Variants in ZNF687 observed in about 807,000 individuals in gnomAD.
ZNF687 encodes the protein zinc finger protein 687.
A neutral mutation model predicts 71.8 loss-of-function variants in ZNF687; 13 were observed. That is an observed-to-expected ratio of 0.18 (90% confidence interval 0.12 to 0.29). The LOEUF (loss-of-function observed/expected upper bound fraction) is 0.29. ZNF687 is among the 10% of genes least tolerant of loss of function. The pLI is 1.00. For missense variants in ZNF687, 1,412 were observed against 1,625.6 expected, an observed-to-expected ratio of 0.87 and a Z score of 2.26; for synonymous variants, 673 against 641.6, an observed-to-expected ratio of 1.05 and a Z score of -0.74.
intron 5 of ZNF687, 68 bp downstream of exon 5, chr1:151,289,608 C>T (rs587700412): frequency 6.2e-7 from 1 of 1,608,094 alleles, no homozygotes; most frequent in Admixed American, 1.7e-5. Context: ...CCACATACTT[C>T]AGAAGTGGGG....
intron 1 of ZNF687, among the ~76,000 whole-genome samples, chr1:151,282,689 T>C: frequency 6.6e-6 from 1 of 151,916 alleles, no homozygotes; most frequent in East Asian, 1.9e-4. Flanking sequence ...GATTGAAGGC[T>C]GCGGGATGTC....
chr1:151,284,929 C>T (rs1021667392), intron 1 of ZNF687, among the ~76,000 whole-genome samples: 1 of 148,994 alleles, frequency 6.7e-6, no homozygotes, highest in Middle Eastern at 3.3e-3. Flanking sequence ...CCCATGTCAG[C>T]TGGGAGGCAT....
chr1:151,282,542 CT>C, intron 1 of ZNF687, 147 bp downstream of exon 1: 5 of 465,252 alleles, frequency 1.1e-5, no homozygotes, highest in Non-Finnish European at 1.4e-5. Flanking sequence ...CAGACACCGC[CT>C]CCATCCATTG....
At chr1:151,284,844 C>CT (rs1245851506) in intron 1 of ZNF687, among the ~76,000 whole-genome samples, 1 of 106,556 alleles carries the variant, frequency 9.4e-6, no homozygotes, top group Non-Finnish European at 1.7e-5. Context: ...CGGTATCACT[C>CT]TGTCACCCAG....
rs1693953195 is a variant in ZNF687 at position 151,286,564 on chromosome 1, T to C, written c.273T>C (p.Cys91=). ...GTGTCATTGTCAAGAACACTGTGTG[T>C]CCCGAGCAGTCTGAGGCCCTGGCTG... The part of the protein sequence containing the change: ...VVSVIVKNTV[C]PEQSEALAGG... The change falls in exon 2 of 9, where the codon TGT becomes TGC. Residue 91 remains cysteine (C), a synonymous_variant. Transcript: ENST00000336715. The C allele has an allele frequency of 6.2e-7, 1 of 1,614,186 alleles. No homozygotes were observed. The highest frequency in any genetic ancestry group is 1.3e-5 in the African/African-American group (1 of 75,042).
chr1:151,291,394 CCCTGGAGT>C lies in ZNF687; in HGVS notation c.*189_*196del. The stretch of plus-strand genomic sequence containing the variant: ...ATTTGCAACCTCCCTTTGGGTTTGG[CCCTGGAGT>C]CCTAGTAGAGTGGACCCTCCATTCC... On this transcript the variant is annotated 3_prime_UTR_variant, in exon 9 of 9. Transcript: ENST00000336715. 1 of 759,736 alleles carries C rather than the reference CCCTGGAGT, an allele frequency of 1.3e-6. No homozygotes were observed. Among genetic ancestry groups the C allele is most frequent in the Non-Finnish European group, 2.0e-6 (1 of 489,654 alleles). 47.1% of individuals were successfully genotyped at this position (759,736 alleles called of 1,614,324 possible). A position where few individuals can be genotyped will look rare whatever the true frequency, so the allele number is the denominator to read the frequency against.
In ZNF687 at chr1:151,290,773, C is replaced by T. The variant is rs780774453; in HGVS notation, c.3278C>T (p.Thr1093Met). The T allele has an allele frequency of 1.5e-5, 25 of 1,613,376 alleles. No individual in the cohort carries two copies. Among genetic ancestry groups the T allele is most frequent in the Middle Eastern group, 1.6e-4 (1 of 6,072 alleles). ...SDSCSEEPDSTTPPAKSPRGG... is the reference protein window; with the variant it reads ...SDSCSEEPDSMTPPAKSPRGG... ...TCTTGCAGTGAGGAGCCTGACAGCACGACACCGCCAGCCAAGTCCCCCAGG... is the reference window on the plus strand; with the variant it reads ...TCTTGCAGTGAGGAGCCTGACAGCATGACACCGCCAGCCAAGTCCCCCAGG... The change falls in exon 9 of 9, where the codon ACG becomes ATG. Residue 1093 changes from threonine (T) to methionine (M), a missense_variant. By Grantham distance (81) the Thr-to-Met change is moderately conservative (BLOSUM62 -1). Transcript: ENST00000336715.
chr1:151,290,386 C>A (rs765362887), intron 7 of ZNF687, 46 bp from the exon 8 acceptor site: 2 of 1,613,456 alleles, frequency 1.2e-6, no homozygotes, highest in South Asian at 1.1e-5. Context: ...AGGGCCCTGG[C>A]CTTCGGGCTG....
Position 151,288,381 on chromosome 1 carries a change from C to T in ZNF687, c.2090C>T (p.Pro697Leu), listed in dbSNP as rs1314673959. Reference protein sequence around the residue: ...GMAAHFQQLGPPAPGATSNVC... With the variant: ...GMAAHFQQLGLPAPGATSNVC... ...GCAGCTCACTTCCAGCAGCTCGGCC[C>T]CCCTGCCCCTGGGGCCACCAGCAAT... is the stretch of plus-strand genomic sequence containing the variant. Residue 697 changes from proline to leucine, a missense_variant, in exon 2 of 9, where the codon CCC (proline) becomes CTC (leucine). Coordinates refer to ENST00000336715, the MANE Select transcript of ZNF687 (RefSeq NM_020832.3). 2.5e-6 allele frequency: 4 copies of T among 1,606,334 alleles called. No homozygotes were observed. Among genetic ancestry groups the T allele is most frequent in the Non-Finnish European group, 3.4e-6 (4 of 1,177,698 alleles).
upstream of ZNF687, chr1:151,281,837 G>A (rs1693723939): frequency 2.7e-6 from 1 of 373,918 alleles, no homozygotes; most frequent in Admixed American, 3.8e-5. Context: ...GACTCAATGC[G>A]GTTCTGCTCT....
chr1:151,281,524 T>C, upstream of ZNF687: 1 of 470,938 alleles, frequency 2.1e-6, no homozygotes, highest in South Asian at 1.5e-5. Flanking sequence ...CCGCTTCCGG[T>C]CCGCGAGCCC....
chr1:151,291,445 A>G lies in ZNF687; in HGVS notation c.*236A>G. On this transcript the variant is annotated 3_prime_UTR_variant, in exon 9 of 9. Transcript: ENST00000336715. ...TCCATTCCTCCTTTCTGAGCCCAAC[A>G]CTAATTAATTTTATGCTCCTGCTGC... 6.0e-6 allele frequency: 3 copies of G among 503,536 alleles called. No individual in the cohort carries two copies. Among genetic ancestry groups the G allele is most frequent in the East Asian group, 3.6e-5 (1 of 28,156 alleles). The allele number at this position is 503,536 out of a possible 1,614,324, so 31.2% of individuals were successfully genotyped here.
intron 8 of ZNF687, 26 bp downstream of exon 8, chr1:151,290,599 CTA>C: frequency 6.2e-7 from 1 of 1,603,628 alleles, no homozygotes; most frequent in East Asian, 2.2e-5. Flanking sequence ...GCCTGCTGTG[CTA>C]GGGCTTTGAG....
intron 1 of ZNF687, among the ~76,000 whole-genome samples, chr1:151,284,733 G>A (rs1334312080): frequency 6.7e-6 from 1 of 149,598 alleles, no homozygotes; most frequent in East Asian, 2.0e-4. Flanking sequence ...TCTTACATTA[G>A]CAATTTTGTA....
intron 1 of ZNF687, among the ~76,000 whole-genome samples, chr1:151,284,835 G>A (rs1162763232): frequency 1.8e-5 from 2 of 112,438 alleles, no homozygotes; most frequent in Non-Finnish European, 3.6e-5. Flanking sequence ...TTTTTGAGAC[G>A]GTATCACTCT....
Position 151,287,956 on chromosome 1 carries a change from G to T in ZNF687, c.1665G>T (p.Arg555=), listed in dbSNP as rs587661262. Reference sequence around the variant, plus strand: ...GCCTGGCACGGCACTATGACCGTCGGAGCATGCGCATCGAGGTCACCTGCA... The same window carrying T: ...GCCTGGCACGGCACTATGACCGTCGTAGCATGCGCATCGAGGTCACCTGCA... ...EKSLARHYDR[R]SMRIEVTCNH... Residue 555 remains arginine (R), a synonymous_variant, in exon 2 of 9, where the codon CGG becomes CGT. Coordinates refer to ENST00000336715, the MANE Select transcript of ZNF687 (RefSeq NM_020832.3). The surrounding 1 kb of genome is among the most constrained non-coding windows in gnomAD (Gnocchi z 5.0). 1 of 1,613,868 alleles carries T rather than the reference G, an allele frequency of 6.2e-7. No individual in the cohort carries two copies. Among genetic ancestry groups the T allele is most frequent in the Non-Finnish European group, 8.5e-7 (1 of 1,180,030 alleles).
chr1:151,290,631 G>C, intron 8 of ZNF687, 58 bp downstream of exon 8: 1 of 1,586,328 alleles, frequency 6.3e-7, no homozygotes, highest in Non-Finnish European at 8.6e-7. Flanking sequence ...GGAAGGCAGA[G>C]ACCATGGCCT....
Position 151,290,157 on chromosome 1 carries a change from C to T in ZNF687, c.3000C>T (p.Arg1000=). Residue 1000 remains arginine, a synonymous_variant, in exon 7 of 9, where the codon CGC becomes CGT. Transcript: ENST00000336715. ...AGTTCCCCTGTCGCCTGTGTGAGCG[C>T]TCCTTCTGCTCCGCCCCCAGCCTGA... The part of the protein sequence containing the change: ...VKKFPCRLCE[R]SFCSAPSLRR... 1.2e-6 allele frequency: 2 copies of T among 1,614,008 alleles called. No individual in the cohort carries two copies. Among genetic ancestry groups the T allele is most frequent in the Non-Finnish European group, 1.7e-6 (2 of 1,180,034 alleles).
intron 1 of ZNF687, among the ~76,000 whole-genome samples, chr1:151,282,655 G>T (rs1003751499): frequency 6.6e-6 from 1 of 152,114 alleles, no homozygotes; most frequent in South Asian, 2.1e-4. Flanking sequence ...CCCGGCTCGA[G>T]AGGCACCCGA....
Sources: gnomAD v4.1 joint callset for allele counts (sites outside exome capture counted in the v4.1 genomes callset) on GRCh38, gnomAD v4.1.1 for gene constraint, Gnocchi (gnomAD v3.1) non-coding constraint, MANE v1.5 for transcripts, NCBI Gene and HGNC (gene_info 2026-07-23, HGNC 2026-07-21) for gene names.